NXPE2: variants seen among roughly 807,000 people sequenced by gnomAD.
The protein encoded by NXPE2 is NXPE family member 2.
Under a neutral mutation model 34.4 loss-of-function variants are expected in NXPE2, and 34 were observed. The observed-to-expected ratio is 0.99, with a 90% CI of 0.75 to 1.31. The LOEUF (loss-of-function observed/expected upper bound fraction) is 1.31, where lower values mean the gene tolerates loss of function less well. Among genes scored for constraint, NXPE2 ranks in the 40% most tolerant of loss-of-function variants. The probability of loss-of-function intolerance (pLI) is 0.00; values close to 1 mark genes in which losing one functional copy is unlikely to be tolerated. For synonymous variants in NXPE2, 235 were observed against 231.3 expected (o/e 1.02, Z -0.15); for missense variants, 649 against 672.5 (o/e 0.97, Z 0.39).
At chr11:114,622,321 C>T in the NXPE2 span, among the ~76,000 whole-genome samples, 2 of 151,984 alleles carry the variant, frequency 1.3e-5, no homozygotes, top group Non-Finnish European at 2.9e-5. Flanking sequence ...TGGGGAACCA[C>T]TGTTACCCAA....
chr11:114,776,533 G>A, the NXPE2 span, among the ~76,000 whole-genome samples: 12 of 152,244 alleles, frequency 7.9e-5, no homozygotes, highest in Admixed American at 1.3e-4. Flanking sequence ...TTCAAGGCTC[G>A]GGGCTGGGCT....
chr11:114,749,302 C>T, the NXPE2 span, among the ~76,000 whole-genome samples: 18 of 152,258 alleles, frequency 1.2e-4, no homozygotes, highest in Non-Finnish European at 2.5e-4. Context: ...TATACATACA[C>T]ACACATACAT....
At chr11:114,554,739 G>A in the NXPE2 span, among the ~76,000 whole-genome samples, 3 of 152,190 alleles carry the variant, frequency 2.0e-5, no homozygotes, top group African/African-American at 7.2e-5. Context: ...CACAGGCATT[G>A]CTAATATTAC....
the NXPE2 span, among the ~76,000 whole-genome samples, chr11:114,600,017 A>G: frequency 8.2e-4 from 125 of 152,318 alleles, no homozygotes; most frequent in Non-Finnish European, 1.4e-3. Context: ...AAGAATTCCA[A>G]CTAACAAATA....
the NXPE2 span, among the ~76,000 whole-genome samples, chr11:114,782,020 T>C: frequency 6.6e-6 from 1 of 152,186 alleles, no homozygotes; most frequent in Non-Finnish European, 1.5e-5. Flanking sequence ...CTCCCACAGA[T>C]ATCAAAATCC....
the NXPE2 span, among the ~76,000 whole-genome samples, chr11:114,620,032 C>T: frequency 7.2e-6 from 1 of 139,776 alleles, no homozygotes; most frequent in Non-Finnish European, 1.6e-5. Flanking sequence ...CCAATGGATA[C>T]TCACTACTGC....
the NXPE2 span, among the ~76,000 whole-genome samples, chr11:114,804,681 GA>G: frequency 6.6e-6 from 1 of 152,214 alleles, no homozygotes; most frequent in Non-Finnish European, 1.5e-5. Flanking sequence ...TAAGGAATAA[GA>G]ACCAGCTTAG....
the NXPE2 span, among the ~76,000 whole-genome samples, chr11:114,775,611 A>C: frequency 6.6e-6 from 1 of 152,228 alleles, no homozygotes; most frequent in Non-Finnish European, 1.5e-5. Context: ...GGTGTCCCCC[A>C]CGTGGGAATG....
the NXPE2 span, among the ~76,000 whole-genome samples, chr11:114,618,234 G>A: frequency 1.3e-5 from 2 of 151,946 alleles, no homozygotes; most frequent in Non-Finnish European, 1.5e-5. Flanking sequence ...AGGATAATAA[G>A]GATTGTCTTA....
the NXPE2 span, chr11:114,582,791 A>G: frequency 3.7e-6 from 6 of 1,613,866 alleles, no homozygotes; most frequent in Non-Finnish European, 5.1e-6. Context: ...TGCAGTACGT[A>G]TCTCGAGGGT....
chr11:114,553,508 A>G, the NXPE2 span, among the ~76,000 whole-genome samples: 1 of 152,164 alleles, frequency 6.6e-6, no homozygotes, highest in Admixed American at 6.5e-5. Flanking sequence ...AATTTTACTG[A>G]TGGCAGAGTT....
the NXPE2 span, among the ~76,000 whole-genome samples, chr11:114,466,652 A>G: frequency 6.7e-3 from 1,012 of 152,110 alleles, 12 homozygotes; most frequent in African/African-American, 0.021. Context: ...TTATTTTTTC[A>G]AAAATTAATT....
At chr11:114,616,946 G>T in the NXPE2 span, among the ~76,000 whole-genome samples, 1 of 146,574 alleles carries the variant, frequency 6.8e-6, no homozygotes, top group Non-Finnish European at 1.5e-5. Context: ...GTTGCCTTGT[G>T]GGTATCCACT....
the NXPE2 span, among the ~76,000 whole-genome samples, chr11:114,647,988 C>A: frequency 6.6e-6 from 1 of 152,196 alleles, no homozygotes; most frequent in Admixed American, 6.5e-5. Context: ...GCATGAGCCA[C>A]TGTTGCCGGC....
At chr11:114,782,709 G>T in the NXPE2 span, among the ~76,000 whole-genome samples, 2 of 152,062 alleles carry the variant, frequency 1.3e-5, no homozygotes, top group African/African-American at 4.8e-5. Context: ...CCACAGACAG[G>T]GTCCTAAGGA....
At chr11:114,769,816 T>G in the NXPE2 span, among the ~76,000 whole-genome samples, 1 of 151,964 alleles carries the variant, frequency 6.6e-6, no homozygotes, top group Non-Finnish European at 1.5e-5. Flanking sequence ...CCTGTCGGGT[T>G]GGGGGGCTAG....
At chr11:114,567,986 A>G in the NXPE2 span, among the ~76,000 whole-genome samples, 1 of 152,126 alleles carries the variant, frequency 6.6e-6, no homozygotes, top group African/African-American at 2.4e-5. Flanking sequence ...CTGGCCAATC[A>G]TCTCAGACAA....
upstream of NXPE2, among the ~76,000 whole-genome samples, chr11:114,677,953 T>A: frequency 6.6e-6 from 1 of 152,118 alleles, no homozygotes; most frequent in Non-Finnish European, 1.5e-5. Context: ...TTTTGGATTC[T>A]CTTACCTTGT....
the NXPE2 span, among the ~76,000 whole-genome samples, chr11:114,809,267 C>T: frequency 6.6e-6 from 1 of 151,948 alleles, no homozygotes; most frequent in Non-Finnish European, 1.5e-5. Flanking sequence ...GGAAGCATTC[C>T]CTTTGAAAAC....
Sources: gnomAD v4.1 joint callset for allele counts (sites outside exome capture counted in the v4.1 genomes callset) on GRCh38, gnomAD v4.1.1 for gene constraint, MANE v1.5 for transcripts, NCBI Gene and HGNC (gene_info 2026-07-23, HGNC 2026-07-21) for gene names.